The following SPMIP11 variants were observed in gnomAD, a reference collection of about 807,000 sequenced individuals.
SPMIP11 encodes long intergenic non-protein coding RNA 935.
chr12:48,757,572 G>C, the SPMIP11 span, among the ~76,000 whole-genome samples: 1 of 151,532 alleles, frequency 6.6e-6, no homozygotes, highest in Non-Finnish European at 1.5e-5. Context: ...CTTGAACCCA[G>C]GAGGCAGATG....
At chr12:48,738,427 G>A in the SPMIP11 span, among the ~76,000 whole-genome samples, 1 of 152,074 alleles carries the variant, frequency 6.6e-6, no homozygotes, top group African/African-American at 2.4e-5. Flanking sequence ...ATATCTGGTG[G>A]CCCCAGTTTC....
chr12:48,739,832 G>T, the SPMIP11 span, among the ~76,000 whole-genome samples: 3 of 152,098 alleles, frequency 2.0e-5, no homozygotes, highest in Admixed American at 1.3e-4. Context: ...CGAGGTTTGG[G>T]TAGGGACATA....
the SPMIP11 span, among the ~76,000 whole-genome samples, chr12:48,749,830 T>A: frequency 2.0e-5 from 3 of 150,924 alleles, no homozygotes; most frequent in African/African-American, 7.3e-5. Flanking sequence ...TAGCTGGGAC[T>A]ACAGGCACCC....
chr12:48,768,731 G>A, the SPMIP11 span: 5 of 1,612,984 alleles, frequency 3.1e-6, no homozygotes, highest in Admixed American at 6.7e-5. Context: ...GGGAGTGGGA[G>A]GGGAGCCCGC....
At chr12:48,749,276 ATCT>A in the SPMIP11 span, among the ~76,000 whole-genome samples, 3 of 150,036 alleles carry the variant, frequency 2.0e-5, no homozygotes, top group Non-Finnish European at 3.0e-5. Context: ...AAAAAAAAAA[ATCT>A]TCTTCCATCT....
chr12:48,740,314 G>C, the SPMIP11 span, among the ~76,000 whole-genome samples: 1 of 151,858 alleles, frequency 6.6e-6, no homozygotes, highest in Non-Finnish European at 1.5e-5. Context: ...TTTTTTCTCA[G>C]ATAGTTGAGA....
the SPMIP11 span, among the ~76,000 whole-genome samples, chr12:48,754,190 C>G: frequency 6.6e-6 from 1 of 152,022 alleles, no homozygotes; most frequent in African/African-American, 2.4e-5. Flanking sequence ...TATTTGAGCC[C>G]AGGAGTTCTA....
the SPMIP11 span, among the ~76,000 whole-genome samples, chr12:48,763,222 T>G: frequency 1.3e-5 from 2 of 152,212 alleles, no homozygotes; most frequent in Non-Finnish European, 2.9e-5. Flanking sequence ...CAGGCTGGAG[T>G]GCAGTGGCAC....
At chr12:48,746,620 C>A in the SPMIP11 span, among the ~76,000 whole-genome samples, 3 of 151,996 alleles carry the variant, frequency 2.0e-5, no homozygotes, top group Non-Finnish European at 4.4e-5. Flanking sequence ...CTGCCTTGGC[C>A]TCCCAAAGTG....
At chr12:48,753,267 T>G in the SPMIP11 span, among the ~76,000 whole-genome samples, 1 of 152,108 alleles carries the variant, frequency 6.6e-6, no homozygotes, top group Non-Finnish European at 1.5e-5. Flanking sequence ...TGCCAGACTC[T>G]CCAGTGACTA....
the SPMIP11 span, chr12:48,765,067 T>C: frequency 1.6e-6 from 1 of 643,290 alleles, no homozygotes; most frequent in Non-Finnish European, 2.8e-6. Flanking sequence ...TTCTTAGAGA[T>C]TATTTCATCT....
chr12:48,750,290 A>C, the SPMIP11 span, among the ~76,000 whole-genome samples: 1 of 152,198 alleles, frequency 6.6e-6, no homozygotes, highest in African/African-American at 2.4e-5. Flanking sequence ...GAGATTGAGG[A>C]TGCATTGAGC....
the SPMIP11 span, chr12:48,727,442 C>A: frequency 1.4e-6 from 1 of 701,522 alleles, no homozygotes; most frequent in Non-Finnish European, 2.6e-6. Context: ...TCCAGTGCCC[C>A]AACCTGGACG....
At chr12:48,768,534 C>CA in the SPMIP11 span, 9 of 1,613,036 alleles carry the variant, frequency 5.6e-6, no homozygotes, top group Admixed American at 1.5e-4. Flanking sequence ...CCAGTGAGCA[C>CA]AGAGTCCACT....
chr12:48,755,149 C>T, the SPMIP11 span, among the ~76,000 whole-genome samples: 1 of 152,172 alleles, frequency 6.6e-6, no homozygotes, highest in African/African-American at 2.4e-5. Context: ...ACTGAGAAAT[C>T]TGCACCATTA....
At chr12:48,751,420 C>CA in the SPMIP11 span, among the ~76,000 whole-genome samples, 1 of 151,710 alleles carries the variant, frequency 6.6e-6, no homozygotes, top group African/African-American at 2.4e-5. Context: ...CTGAGACCAG[C>CA]CTGGGCAATA....
At chr12:48,745,125 G>A in the SPMIP11 span, among the ~76,000 whole-genome samples, 88 of 151,894 alleles carry the variant, frequency 5.8e-4, no homozygotes, top group African/African-American at 2.1e-3. Context: ...AAAAAAATTA[G>A]CCAGGCTTGG....
the SPMIP11 span, among the ~76,000 whole-genome samples, chr12:48,730,992 T>C: frequency 2.6e-5 from 4 of 152,190 alleles, no homozygotes; most frequent in Admixed American, 2.6e-4. Context: ...AACTTACTTA[T>C]GCAAGACCAC....
chr12:48,737,666 C>T, the SPMIP11 span, among the ~76,000 whole-genome samples: 6 of 151,248 alleles, frequency 4.0e-5, no homozygotes, highest in African/African-American at 1.2e-4. Flanking sequence ...CCACCCGCCT[C>T]GGCCTCCCAA....
Sources: allele counts gnomAD v4.1 joint callset (sites outside exome capture counted in the v4.1 genomes callset), GRCh38; gene constraint gnomAD v4.1.1; transcripts MANE v1.5; gene names NCBI Gene and HGNC (gene_info 2026-07-23, HGNC 2026-07-21).